The following RAB11FIP5 variants were observed in gnomAD, a reference collection of about 807,000 sequenced individuals.
The protein encoded by RAB11FIP5 is RAB11 family interacting protein 5.
RAB11FIP5 carries 48 observed loss-of-function variants against 85.1 expected under a neutral mutation model. The ratio of observed to expected loss-of-function variants is 0.56; its 90% confidence interval spans 0.45 to 0.72. The LOEUF (loss-of-function observed/expected upper bound fraction) is 0.72, where lower values mean the gene tolerates loss of function less well. Ranked by LOEUF, RAB11FIP5 falls within the 30% of genes least tolerant of loss-of-function variation. The pLI is 0.00. For synonymous variants in RAB11FIP5, 729 were observed against 727.3 expected, an observed-to-expected ratio of 1.00 and a Z score of -0.04; for missense variants, 1,491 against 1,687.0, an observed-to-expected ratio of 0.88 and a Z score of 2.04.
In RAB11FIP5 at chr2:73,112,717, C is replaced by T; in HGVS notation, c.61G>A (p.Val21Ile). The T allele has an allele frequency of 2.6e-6, 4 of 1,537,254 alleles. No homozygotes were observed. The highest frequency in any genetic ancestry group is 3.5e-6 in the Non-Finnish European group (4 of 1,143,536). The part of the protein sequence containing the change: ...AGPSRWLPTH[V>I]QVTVLRARGL... Reference sequence around the variant, plus strand: ...CGGGCCCGCAGCACCGTCACCTGGACGTGCGTGGGCAGCCAGCGGGAAGGC... The same window carrying T: ...CGGGCCCGCAGCACCGTCACCTGGATGTGCGTGGGCAGCCAGCGGGAAGGC... Residue 21 changes from valine (V) to isoleucine (I), a missense_variant, in exon 1 of 6, where the codon GTC becomes ATC. Physicochemically the swap from Val to Ile is conservative, Grantham distance 29 (BLOSUM62 3). Coordinates refer to ENST00000486777, the MANE Select transcript of RAB11FIP5 (RefSeq NM_001371272.1).
In RAB11FIP5 at chr2:73,088,344, C is replaced by CCCT; in HGVS notation, c.1271_1273dup (p.Glu424dup). On this transcript the variant is annotated inframe_insertion, in exon 3 of 6. Transcript: ENST00000486777. ...TGGCTTGCCCTCTGGTAGCCGGGCC[C>CCCT]CCTCCTCCTCTCCAGGGTGGCTGGC... 6.2e-7 allele frequency: 1 copy of CCCT among 1,613,714 alleles called. No homozygotes were observed. The highest frequency in any genetic ancestry group is 8.5e-7 in the Non-Finnish European group (1 of 1,179,992).
intron 1 of RAB11FIP5, among the ~76,000 whole-genome samples, chr2:73,111,675 G>A (rs1684658560): frequency 6.6e-6 from 1 of 152,230 alleles, no homozygotes; most frequent in African/African-American, 2.4e-5. Context: ...GGGCAGGCAG[G>A]CAGGCCACTG....
In RAB11FIP5 at chr2:73,081,595, CA is replaced by C. The variant is rs1291184626; in HGVS notation, c.1636del (p.Trp546GlyfsTer16). The C allele has an allele frequency of 8.2e-7, 1 of 1,213,086 alleles. No homozygotes were observed. The highest frequency in any genetic ancestry group is 3.2e-5 in the East Asian group (1 of 31,600). The allele number at this position is 1,213,086 out of a possible 1,614,324, so 75.1% of individuals were successfully genotyped here. A position where few individuals can be genotyped will look rare whatever the true frequency, so the allele number is the denominator to read the frequency against. On this transcript the variant is annotated frameshift_variant, in exon 4 of 6. Transcript: ENST00000486777. LOFTEE classifies it high-confidence loss of function. This position sits in a 1 kb window ranked among gnomAD's most constrained non-coding sequence, Gnocchi z 4.2. The part of the protein sequence containing the change: ...ALPHHLPCSP[W>X]APAPPTPAPT... ...AGCAGGAGTGGGAGGGGCCGGAGCCCAGGGGGAGCAGGGGAGGTGGTGAGGA... is the reference window on the plus strand; with the variant it reads ...AGCAGGAGTGGGAGGGGCCGGAGCCCGGGGGAGCAGGGGAGGTGGTGAGGA...
At chr2:73,076,634 G>A (rs1683867656) in intron 4 of RAB11FIP5, among the ~76,000 whole-genome samples, 1 of 152,150 alleles carries the variant, frequency 6.6e-6, no homozygotes, top group Admixed American at 6.5e-5. Flanking sequence ...GACTTTGAGT[G>A]CTAAAACCTG....
chr2:73,089,398 C>T lies in RAB11FIP5; in HGVS notation c.432-83G>A. On this transcript the variant is annotated intron_variant, in intron 1 of 5. Coordinates refer to ENST00000486777, the MANE Select transcript of RAB11FIP5 (RefSeq NM_001371272.1). The surrounding 1 kb of genome is among the most constrained non-coding windows in gnomAD (Gnocchi z 4.6). ...GCCCGGTACCAGGCACTGCCCAGAC[C>T]CCTCCTTGCTCTGAGAGCCACTGAT... 7.0e-7 allele frequency: 1 copy of T among 1,420,360 alleles called. No individual in the cohort carries two copies. The highest frequency in any genetic ancestry group is 2.3e-5 in the East Asian group (1 of 43,984). The allele number at this position is 1,420,360 out of a possible 1,614,324, so 88.0% of individuals were successfully genotyped here.
chr2:73,074,959 T>C lies in RAB11FIP5; in HGVS notation c.*562A>G, dbSNP rs978586154. 2 of 347,542 alleles carry C rather than the reference T, an allele frequency of 5.8e-6. No individual in the cohort carries two copies. The highest frequency in any genetic ancestry group is 3.8e-5 in the Admixed American group (1 of 26,260). The allele number at this position is 347,542 out of a possible 1,614,324, so 21.5% of individuals were successfully genotyped here. On this transcript the variant is annotated 3_prime_UTR_variant, in exon 6 of 6. Transcript: ENST00000486777. ...AGCAGACTCAGGACATGGCAGAGACTGGCCCAGACCACACAGGCTTCTTGC... is the reference window on the plus strand; with the variant it reads ...AGCAGACTCAGGACATGGCAGAGACCGGCCCAGACCACACAGGCTTCTTGC...
intron 1 of RAB11FIP5, among the ~76,000 whole-genome samples, chr2:73,105,863 G>A (rs1161291854): frequency 1.3e-5 from 2 of 152,102 alleles, no homozygotes; most frequent in Non-Finnish European, 2.9e-5. Context: ...CATAGACTGG[G>A]AAGCCAGACT....
intron 1 of RAB11FIP5, among the ~76,000 whole-genome samples, chr2:73,101,829 G>T (rs1367857519): frequency 6.6e-6 from 1 of 152,218 alleles, no homozygotes; most frequent in Non-Finnish European, 1.5e-5. Context: ...ACCCCTTAAA[G>T]GCACAGGGCA....
chr2:73,112,312 T>C, intron 1 of RAB11FIP5, 35 bp downstream of exon 1: 1 of 1,538,678 alleles, frequency 6.5e-7, no homozygotes, highest in South Asian at 1.2e-5. Context: ...TGTTAGGCCT[T>C]TAGCCGTTTC....
At position 73,088,938 on chromosome 2, in the gene RAB11FIP5, G is replaced by A; in HGVS notation, c.809C>T (p.Pro270Leu). The A allele has an allele frequency of 6.2e-7, 1 of 1,607,780 alleles. No homozygotes were observed. Among genetic ancestry groups the A allele is most frequent in the Admixed American group, 1.7e-5 (1 of 59,466 alleles). The part of the protein sequence containing the change: ...SASGSLAYQG[P>L]GAELLTRSPS... ...TGAGCGGGTGAGGAGTTCGGCGCCAGGTCCCTGGTAGGCCAAGCTCCCGCT... is the reference window on the plus strand; with the variant it reads ...TGAGCGGGTGAGGAGTTCGGCGCCAAGTCCCTGGTAGGCCAAGCTCCCGCT... The change falls in exon 2 of 6, where the codon CCT becomes CTT. Residue 270 changes from proline (P) to leucine (L), a missense_variant. Around this residue, in one of 3 missense-constraint regions of RAB11FIP5, gnomAD observed 1,211 missense variants for 1,338.0 expected, o/e 0.91. Coordinates refer to ENST00000486777, the MANE Select transcript of RAB11FIP5 (RefSeq NM_001371272.1).
chr2:73,112,487 G>A lies in RAB11FIP5; in HGVS notation c.291C>T (p.Pro97=). 6.7e-7 allele frequency: 1 copy of A among 1,486,474 alleles called. No individual in the cohort carries two copies. Among genetic ancestry groups the A allele is most frequent in the Non-Finnish European group, 8.9e-7 (1 of 1,123,078 alleles). The allele number at this position is 1,486,474 out of a possible 1,614,324, so 92.1% of individuals were successfully genotyped here. A position where few individuals can be genotyped will look rare whatever the true frequency, so the allele number is the denominator to read the frequency against. The change falls in exon 1 of 6, where the codon CCC becomes CCT. Residue 97 remains proline (P), a synonymous_variant. Coordinates refer to ENST00000486777, the MANE Select transcript of RAB11FIP5 (RefSeq NM_001371272.1). ...AGGCGGCGGCGGAGCTCGCGGCCCAGGGCGCCGGGCCCGCGTCGGCCTCCT... is the reference window on the plus strand; with the variant it reads ...AGGCGGCGGCGGAGCTCGCGGCCCAAGGCGCCGGGCCCGCGTCGGCCTCCT... ...RAQEADAGPA[P]WAASSAAACE...
Position 73,086,254 on chromosome 2 carries a change from A to T in RAB11FIP5, c.1568+1796T>A, listed in dbSNP as rs926455516. ...GCAAATAGGCCCCATCTTGGGAGGG[A>T]TGCTGAGTGCCCTCCATCCTGCTAA... On this transcript the variant is annotated intron_variant, in intron 3 of 5. Coordinates refer to ENST00000486777, the MANE Select transcript of RAB11FIP5 (RefSeq NM_001371272.1). This position sits in a 1 kb window ranked among gnomAD's most constrained non-coding sequence, Gnocchi z 4.4. Among the ~76,000 whole-genome samples the T allele has an allele frequency of 6.6e-6, 1 of 152,198 alleles. No homozygotes were observed. The highest frequency in any genetic ancestry group is 2.4e-5 in the African/African-American group (1 of 41,454).
At chr2:73,094,120 CAAAA>C (rs550613252) in intron 1 of RAB11FIP5, among the ~76,000 whole-genome samples, 31,229 of 84,004 alleles carry the variant, frequency 0.37, 4,278 homozygotes, top group East Asian at 0.58. Context: ...GACTTTGTCT[CAAAA>C]AAAAAAAAAA....
In RAB11FIP5 at chr2:73,080,844, A is replaced by G. The variant is rs1353349650; in HGVS notation, c.2388T>C (p.Ser796=). 2.4e-6 allele frequency: 3 copies of G among 1,232,210 alleles called. No individual in the cohort carries two copies. The highest frequency in any genetic ancestry group is 4.2e-5 in the Admixed American group (1 of 23,696). 76.3% of individuals were successfully genotyped at this position (1,232,210 alleles called of 1,614,324 possible). ...CTGGGCCCGGCAGCCTCTCCCACAC[A>G]CTGATCACTTCTGGGGAGCTAAATA... The part of the protein sequence containing the change: ...TSLFSSPEVI[S]VWERLPGPES... The change falls in exon 4 of 6, where the codon AGT becomes AGC. Residue 796 remains serine (S), a synonymous_variant. Transcript: ENST00000486777.
At chr2:73,082,122 G>T (rs1683996749) in intron 3 of RAB11FIP5, among the ~76,000 whole-genome samples, 1 of 143,510 alleles carries the variant, frequency 7.0e-6, no homozygotes, top group African/African-American at 2.6e-5. Context: ...TGCAACTTCT[G>T]CCTCCCAGGC....
intron 3 of RAB11FIP5, among the ~76,000 whole-genome samples, chr2:73,083,070 G>T (rs141845556): frequency 6.6e-6 from 1 of 152,194 alleles, no homozygotes; most frequent in Non-Finnish European, 1.5e-5. Context: ...CTACACATCC[G>T]ACTTTTCAAG....
chr2:73,077,969 T>G (rs1342100229), intron 4 of RAB11FIP5, among the ~76,000 whole-genome samples: 2 of 152,198 alleles, frequency 1.3e-5, no homozygotes, highest in East Asian at 3.8e-4. Context: ...CCAGAGACTC[T>G]CAGGCTAGAT....
Position 73,079,644 on chromosome 2 carries a change from T to C in RAB11FIP5, c.3581+7A>G. On this transcript the variant is annotated splice_region_variant and intron_variant, in intron 4 of 5. Coordinates refer to ENST00000486777, the MANE Select transcript of RAB11FIP5 (RefSeq NM_001371272.1). The stretch of plus-strand genomic sequence containing the variant: ...TCCTGGACAGTGTTCTGGGGGTGGA[T>C]GCTCACCTGGCACTGGGCTGTGGCT... The C allele has an allele frequency of 8.1e-7, 1 of 1,232,866 alleles. No homozygotes were observed. 76.4% of individuals were successfully genotyped at this position (1,232,866 alleles called of 1,614,324 possible).
Position 73,093,094 on chromosome 2 carries a change from G to A in RAB11FIP5, c.432-3779C>T, listed in dbSNP as rs184042496. Among the ~76,000 whole-genome samples the A allele has an allele frequency of 3.3e-5, 5 of 152,340 alleles. No homozygotes were observed. In the South Asian group the frequency reaches 1.0e-3, roughly 32 times the overall value. ...TGGAGAATGGAAAACTATGAACACT[G>A]TCGAGGGGGGCTGAGGAATCCGCAA... On this transcript the variant is annotated intron_variant, in intron 1 of 5. Coordinates refer to ENST00000486777, the MANE Select transcript of RAB11FIP5 (RefSeq NM_001371272.1).
Sources: allele counts gnomAD v4.1 joint callset (sites outside exome capture counted in the v4.1 genomes callset), GRCh38; gene constraint gnomAD v4.1.1; regional missense constraint gnomAD v4.1.1; non-coding constraint Gnocchi (gnomAD v3.1); transcripts MANE v1.5; gene names NCBI Gene and HGNC (gene_info 2026-07-23, HGNC 2026-07-21).